The following CYREN variants were observed in gnomAD, a reference collection of about 807,000 sequenced individuals.
The protein encoded by CYREN is cell cycle regulator of non-homologous end joining.
A neutral mutation model predicts 9.7 loss-of-function variants in CYREN; 7 were observed. The observed-to-expected ratio is 0.72, with a 90% confidence interval of 0.41 to 1.36. CYREN has a LOEUF of 1.36. CYREN is among the 40% of genes most tolerant of loss of function. The pLI is 0.01. For missense variants in CYREN, 215 were observed against 198.1 expected (o/e 1.09, Z -0.51); for synonymous variants, 76 against 77.9 (o/e 0.98, Z 0.13).
intron 2 of CYREN, among the ~76,000 whole-genome samples, chr7:135,159,377 C>T (rs1829873049): frequency 6.6e-6 from 1 of 152,234 alleles, no homozygotes; most frequent in Non-Finnish European, 1.5e-5. Context: ...CTTTCAGCCG[C>T]CATCCCATTC....
In CYREN at chr7:135,166,466, G is replaced by T; in HGVS notation, c.*145C>A. On this transcript the variant is annotated 3_prime_UTR_variant, in exon 4 of 4. Coordinates refer to ENST00000393114, the MANE Select transcript of CYREN (RefSeq NM_024033.4). The stretch of plus-strand genomic sequence containing the variant: ...CGGAGTGTCCAGGGGCTTCTGGCCT[G>T]AGGTGAATCTGCCAGGCCCAAGAAG... The T allele has an allele frequency of 7.4e-7, 1 of 1,348,470 alleles. No individual in the cohort carries two copies. The highest frequency in any genetic ancestry group is 9.9e-7 in the Non-Finnish European group (1 of 1,009,882). 83.5% of individuals were successfully genotyped at this position (1,348,470 alleles called of 1,614,324 possible). A position where few individuals can be genotyped will look rare whatever the true frequency, so the allele number is the denominator to read the frequency against.
intron 1 of CYREN, among the ~76,000 whole-genome samples, chr7:135,169,755 G>C (rs961532213): frequency 6.6e-6 from 1 of 152,168 alleles, no homozygotes; most frequent in Non-Finnish European, 1.5e-5. Context: ...AGAGGGCCTA[G>C]GTCTCTACCT....
intron 2 of CYREN, chr7:135,129,183 G>A: frequency 2.8e-6 from 4 of 1,423,074 alleles, no homozygotes. Context: ...GATGGCAGAT[G>A]TGGTGTACTG....
At chr7:135,132,388 A>C (rs1283778041) in intron 2 of CYREN, among the ~76,000 whole-genome samples, 1 of 152,230 alleles carries the variant, frequency 6.6e-6, no homozygotes, top group East Asian at 1.9e-4. Flanking sequence ...GAAATCCTTC[A>C]TATTAGCAAG....
At chr7:135,153,645 A>G (rs1829718182) in intron 2 of CYREN, among the ~76,000 whole-genome samples, 1 of 152,174 alleles carries the variant, frequency 6.6e-6, no homozygotes, top group Non-Finnish European at 1.5e-5. Flanking sequence ...TATCATATTT[A>G]TTGATTTGCA....
intron 2 of CYREN, among the ~76,000 whole-genome samples, chr7:135,159,513 T>C (rs1413589629): frequency 2.6e-5 from 4 of 152,178 alleles, no homozygotes; most frequent in Middle Eastern, 3.2e-3. Context: ...TAAGCAGAAA[T>C]CATCTCCCTC....
At chr7:135,109,143 T>C (rs933991895) in intron 2 of CYREN, among the ~76,000 whole-genome samples, 1 of 152,246 alleles carries the variant, frequency 6.6e-6, no homozygotes, top group African/African-American at 2.4e-5. Flanking sequence ...CTCCTGAATT[T>C]TGATGATCTT....
At chr7:135,145,648 A>T (rs375209518) in intron 2 of CYREN, among the ~76,000 whole-genome samples, 23 of 152,322 alleles carry the variant, frequency 1.5e-4, no homozygotes, top group East Asian at 3.9e-4. Flanking sequence ...CAAACTTTTT[A>T]AAAAAAGCAA....
At chr7:135,172,426 C>T (rs1430252307), upstream of CYREN, among the ~76,000 whole-genome samples, 3 of 128,446 alleles carry the variant, frequency 2.3e-5, no homozygotes, top group Non-Finnish European at 4.8e-5. Flanking sequence ...TTTACCTGTT[C>T]TTTGTCTTGT....
chr7:135,151,083 TTA>T lies in CYREN; in HGVS notation n.356+17664_356+17665del, dbSNP rs1829655884. 6.6e-6 allele frequency among the ~76,000 whole-genome samples: 1 copy of T among 152,190 alleles called. No individual in the cohort carries two copies. Among genetic ancestry groups the T allele is most frequent in the Non-Finnish European group, 1.5e-5 (1 of 68,032 alleles). On this transcript the variant is annotated intron_variant and non_coding_transcript_variant, in intron 2 of 2. Coordinates refer to the CYREN transcript ENST00000459937. This position sits in a 1 kb window ranked among gnomAD's most constrained non-coding sequence, Gnocchi z 4.3. ...GGTGCCTGGACTCATGCTTCTGACT[TTA>T]TGTTATAATCTCATGGTATAGTCCT...
intron 2 of CYREN, among the ~76,000 whole-genome samples, chr7:135,139,414 C>T (rs1829412712): frequency 6.7e-6 from 1 of 150,372 alleles, no homozygotes; most frequent in South Asian, 2.1e-4. Context: ...GTGTCCTTTG[C>T]CCTTTTTTTT....
intron 2 of CYREN, among the ~76,000 whole-genome samples, chr7:135,100,266 A>C (rs1823628454): frequency 6.6e-6 from 1 of 152,102 alleles, no homozygotes; most frequent in South Asian, 2.1e-4. Flanking sequence ...CAAATGCTTT[A>C]CTATCCATTG....
At chr7:135,113,104 C>A (rs1304393837) in intron 2 of CYREN, among the ~76,000 whole-genome samples, 10 of 152,268 alleles carry the variant, frequency 6.6e-5, no homozygotes, top group Admixed American at 6.5e-4. Context: ...TATTGAGTGG[C>A]CTAAGAATGG....
At chr7:135,163,384 G>C (rs1418799858), downstream of CYREN, among the ~76,000 whole-genome samples, 1 of 152,162 alleles carries the variant, frequency 6.6e-6, no homozygotes, top group East Asian at 1.9e-4. Context: ...GCTCATGCCT[G>C]TAATCCCAGC....
intron 2 of CYREN, among the ~76,000 whole-genome samples, chr7:135,131,300 C>T (rs987165114): frequency 2.0e-5 from 3 of 151,910 alleles, no homozygotes; most frequent in Non-Finnish European, 4.4e-5. Context: ...AAATCACACA[C>T]CAGGGCCTGT....
chr7:135,126,211 C>A (rs1185049187), intron 2 of CYREN, among the ~76,000 whole-genome samples: 1 of 152,182 alleles, frequency 6.6e-6, no homozygotes, highest in African/African-American at 2.4e-5. Flanking sequence ...AATACAGAAT[C>A]AATGTGCAAA....
exon 3 of CYREN, chr7:135,094,416 A>G (rs1822333798): frequency 4.4e-6 from 2 of 456,568 alleles, no homozygotes; most frequent in African/African-American, 2.0e-5. Context: ...ACTGGTAGGA[A>G]CACTTAAACA....
intron 2 of CYREN, chr7:135,153,004 T>C (rs931085964): frequency 6.6e-6 from 1 of 152,016 alleles, no homozygotes; most frequent in South Asian, 2.1e-4. Flanking sequence ...AACAATCCCA[T>C]TAAAAAGTGG....
At chr7:135,092,964 C>A (rs2116926916) in exon 3 of CYREN, 1 of 151,132 alleles carries the variant, frequency 6.6e-6, no homozygotes, top group East Asian at 1.9e-4. Flanking sequence ...AAGTATCTGG[C>A]AAAATCCAAC....
Sources: allele counts gnomAD v4.1 joint callset (sites outside exome capture counted in the v4.1 genomes callset), GRCh38; gene constraint gnomAD v4.1.1; non-coding constraint Gnocchi (gnomAD v3.1); transcripts MANE v1.5; gene names NCBI Gene and HGNC (gene_info 2026-07-23, HGNC 2026-07-21).